The following ORC3 variants were observed in gnomAD, a reference collection of about 807,000 sequenced individuals.
ORC3 encodes the protein origin recognition complex subunit 3.
In ORC3, 78 loss-of-function variants were observed where a neutral mutation model predicts 100.7. The ratio of observed to expected loss-of-function variants is 0.77; its 90% CI spans 0.65 to 0.94. The LOEUF is 0.94. Among genes scored for constraint, ORC3 ranks in the 40% least tolerant of loss-of-function variants. The pLI, the probability that ORC3 is intolerant of heterozygous loss-of-function variation, is 0.00. For missense variants in ORC3, 789 were observed against 823.9 expected (o/e 0.96, Z 0.52); for synonymous variants, 295 against 289.3 (o/e 1.02, Z -0.20).
intron 13 of ORC3, 134 bp downstream of exon 13, chr6:87,636,620 T>C: frequency 1.6e-6 from 1 of 633,940 alleles, no homozygotes. Flanking sequence ...TTTGCATATA[T>C]CTTGAATTTA....
At chr6:87,676,421 G>T in the ORC3 span, among the ~76,000 whole-genome samples, 1 of 115,196 alleles carries the variant, frequency 8.7e-6, no homozygotes, top group South Asian at 3.0e-4. Context: ...AGCCAAGAAC[G>T]CGCCACTGCA....
At chr6:87,675,459 A>G in the ORC3 span, 30 of 1,221,502 alleles carry the variant, frequency 2.5e-5, no homozygotes, top group Middle Eastern at 1.9e-4. Flanking sequence ...CTGCTGCCTA[A>G]GAGTGGTTGC....
At chr6:87,610,852 C>T (rs1343360420) in intron 7 of ORC3, among the ~76,000 whole-genome samples, 2 of 133,228 alleles carry the variant, frequency 1.5e-5, no homozygotes, top group African/African-American at 3.1e-5. Context: ...CGCGCCCGGC[C>T]TACTAATATA....
chr6:87,628,243 G>A (rs1028698809), intron 11 of ORC3, among the ~76,000 whole-genome samples: 1 of 152,140 alleles, frequency 6.6e-6, no homozygotes, highest in East Asian at 1.9e-4. Flanking sequence ...CCTAGATGAT[G>A]GGTTGATAGG....
downstream of ORC3, among the ~76,000 whole-genome samples, chr6:87,669,861 AC>A (rs1215154743): frequency 6.6e-6 from 1 of 152,236 alleles, no homozygotes; most frequent in African/African-American, 2.4e-5. Context: ...CACCATCACT[AC>A]GTACAATGTA....
At chr6:87,651,196 T>C in intron 13 of ORC3, 1 of 456,264 alleles carries the variant, frequency 2.2e-6, no homozygotes, top group South Asian at 1.5e-5. Context: ...TTCCTTGATA[T>C]TCAGTTATTT....
chr6:87,662,481 A>G (rs973676593), intron 16 of ORC3, among the ~76,000 whole-genome samples: 1 of 152,194 alleles, frequency 6.6e-6, no homozygotes, highest in South Asian at 2.1e-4. Context: ...TTGAGGTGTC[A>G]TTTCCATGAA....
chr6:87,651,679 A>G (rs981750582), intron 13 of ORC3, among the ~76,000 whole-genome samples: 3 of 152,090 alleles, frequency 2.0e-5, no homozygotes, highest in Admixed American at 1.3e-4. Context: ...GTGGTTGTCT[A>G]CTTTTTGTTG....
intron 11 of ORC3, among the ~76,000 whole-genome samples, chr6:87,631,002 C>G (rs1767362392): frequency 6.6e-6 from 1 of 151,646 alleles, no homozygotes; most frequent in South Asian, 2.1e-4. Flanking sequence ...TCCTGAGTAT[C>G]TGGGACTACA....
chr6:87,667,144 G>C lies in ORC3; in HGVS notation c.*21G>C. On this transcript the variant is annotated 3_prime_UTR_variant, in exon 20 of 20. Coordinates refer to ENST00000392844, the MANE Select transcript of ORC3 (RefSeq NM_012381.4). ...GCTAGAAAGCAAATAAGCAAAGCCA[G>C]AACTATCACATTTAGCTTAAGAGAA... The C allele has an allele frequency of 7.3e-7, 1 of 1,378,642 alleles. No homozygotes were observed. 85.4% of individuals were successfully genotyped at this position (1,378,642 alleles called of 1,614,324 possible). A position where few individuals can be genotyped will look rare whatever the true frequency, so the allele number is the denominator to read the frequency against.
intron 13 of ORC3, among the ~76,000 whole-genome samples, chr6:87,648,170 C>G (rs1485538143): frequency 2.0e-5 from 3 of 152,078 alleles, no homozygotes; most frequent in Non-Finnish European, 4.4e-5. Flanking sequence ...CACTGCACTC[C>G]AGCCTGGCAA....
intron 3 of ORC3, among the ~76,000 whole-genome samples, chr6:87,602,912 T>TTA (rs1554236438): frequency 0.016 from 573 of 36,222 alleles, 4 homozygotes; most frequent in Non-Finnish European, 0.022. Context: ...ATATTATATA[T>TTA]TATATATATA....
chr6:87,676,710 G>A, the ORC3 span, among the ~76,000 whole-genome samples: 1 of 151,694 alleles, frequency 6.6e-6, no homozygotes, highest in Non-Finnish European at 1.5e-5. Context: ...AGCCCGGGAG[G>A]CAGAGGTTGC....
chr6:87,615,294 C>T (rs1291940833), intron 8 of ORC3, among the ~76,000 whole-genome samples: 1 of 152,172 alleles, frequency 6.6e-6, no homozygotes, highest in Non-Finnish European at 1.5e-5. Flanking sequence ...GTCCCTCCCA[C>T]AGCACTTGGG....
intron 11 of ORC3, among the ~76,000 whole-genome samples, chr6:87,623,444 T>A (rs1779669445): frequency 6.6e-6 from 1 of 152,270 alleles, no homozygotes; most frequent in Non-Finnish European, 1.5e-5. Context: ...ATTAGCTCTC[T>A]GTTGAGTCAG....
chr6:87,603,401 A>C lies in ORC3; in HGVS notation c.195A>C (p.Leu65Phe), dbSNP rs748298205. 1 of 1,503,246 alleles carries C rather than the reference A, an allele frequency of 6.7e-7. No individual in the cohort carries two copies. Among genetic ancestry groups the C allele is most frequent in the South Asian group, 1.3e-5 (1 of 75,244 alleles). The allele number at this position is 1,503,246 out of a possible 1,614,324, so 93.1% of individuals were successfully genotyped here. A position where few individuals can be genotyped will look rare whatever the true frequency, so the allele number is the denominator to read the frequency against. The change falls in exon 4 of 20, where the codon TTA (leucine) becomes TTC (phenylalanine). Residue 65 changes from leucine (L) to phenylalanine (F), a missense_variant. Around this residue, in one of 3 missense-constraint regions of ORC3, gnomAD observed 399 missense variants for 382.0 expected, o/e 1.04. Coordinates refer to ENST00000392844, the MANE Select transcript of ORC3 (RefSeq NM_012381.4). ...KSENERLQEE[L>F]NKNLFDNLIE... is the part of the protein sequence containing the mutation. The stretch of plus-strand genomic sequence containing the variant: ...CTTTGTAGCGACTACAAGAGGAATT[A>C]AATAAAAACTTGTTTGACAATCTGA...
At chr6:87,652,468 A>G (rs577651022) in intron 13 of ORC3, among the ~76,000 whole-genome samples, 38 of 152,344 alleles carry the variant, frequency 2.5e-4, no homozygotes, top group Non-Finnish European at 4.0e-4. Flanking sequence ...CTGTGCTATA[A>G]ATAACAATTA....
At chr6:87,654,744 G>A (rs1052651488) in intron 14 of ORC3, among the ~76,000 whole-genome samples, 1 of 152,180 alleles carries the variant, frequency 6.6e-6, no homozygotes, top group African/African-American at 2.4e-5. Context: ...TTTACAAAAT[G>A]GGACTTATGG....
intron 11 of ORC3, among the ~76,000 whole-genome samples, chr6:87,627,186 A>T (rs1029539370): frequency 1.2e-4 from 18 of 149,662 alleles, no homozygotes; most frequent in Non-Finnish European, 2.5e-4. Context: ...TTTAGTAGAG[A>T]CAGGGTTTCA....
Sources: gnomAD v4.1 joint callset for allele counts (sites outside exome capture counted in the v4.1 genomes callset) on GRCh38, gnomAD v4.1.1 for gene constraint, gnomAD v4.1.1 regional missense constraint, MANE v1.5 for transcripts, NCBI Gene and HGNC (gene_info 2026-07-23, HGNC 2026-07-21) for gene names.